Variants in CSMD3 observed in about 807,000 individuals in gnomAD.
CSMD3 encodes CUB and sushi domain-containing protein 3.
A neutral mutation model predicts 435.2 loss-of-function variants in CSMD3; 177 were observed. That is an observed-to-expected ratio of 0.41 (90% CI 0.36 to 0.46). The LOEUF (loss-of-function observed/expected upper bound fraction) is 0.46. Ranked by LOEUF, CSMD3 falls within the 20% of genes least tolerant of loss-of-function variation. The pLI is 0.34. For missense variants in CSMD3, 4,265 were observed against 4,504.6 expected (o/e 0.95, Z 1.52); for synonymous variants, 1,656 against 1,520.5 (o/e 1.09, Z -2.07).
intron 1 of CSMD3, among the ~76,000 whole-genome samples, chr8:113,418,446 T>G (rs1043371539): frequency 2.6e-5 from 4 of 151,878 alleles, no homozygotes; most frequent in Non-Finnish European, 5.9e-5. Flanking sequence ...ATAGTTGGAG[T>G]GGGTAGTAAG....
At chr8:113,372,386 C>G (rs2094351158) in intron 1 of CSMD3, among the ~76,000 whole-genome samples, 1 of 152,068 alleles carries the variant, frequency 6.6e-6, no homozygotes, top group Non-Finnish European at 1.5e-5. Flanking sequence ...GAGTTTTAAT[C>G]CATTAATATT....
chr8:112,700,221 C>T (rs537747605), intron 13 of CSMD3, among the ~76,000 whole-genome samples: 3 of 152,192 alleles, frequency 2.0e-5, no homozygotes, highest in African/African-American at 7.2e-5. Context: ...GTAGAGTCAG[C>T]TGGGCATGGT....
chr8:112,681,288 G>A (rs940179871), intron 16 of CSMD3, among the ~76,000 whole-genome samples: 2 of 151,410 alleles, frequency 1.3e-5, no homozygotes, highest in East Asian at 1.9e-4. Flanking sequence ...TCCTGATCTC[G>A]TGATCCGCCC....
Position 112,642,613 on chromosome 8 carries a change from T to A in CSMD3, c.3310+2496A>T, listed in dbSNP as rs553089582. Among the ~76,000 whole-genome samples the A allele has an allele frequency of 3.3e-5, 5 of 152,284 alleles. No individual in the cohort carries two copies. In the East Asian group the frequency reaches 9.6e-4, roughly 29 times the overall value. On this transcript the variant is annotated intron_variant, in intron 20 of 70. Transcript: ENST00000297405. ...TATAAGAACATCTGACTACACAATGTAAATGTAAATGAAATGTAAATCACT... is the reference window on the plus strand; with the variant it reads ...TATAAGAACATCTGACTACACAATGAAAATGTAAATGAAATGTAAATCACT...
chr8:113,314,845 T>A (rs1247332739), intron 1 of CSMD3, 52 bp from the exon 2 acceptor site: 3 of 1,164,288 alleles, frequency 2.6e-6, no homozygotes, highest in Non-Finnish European at 3.8e-6. Flanking sequence ...TCAAGAACAA[T>A]CCATGAGATA....
At chr8:113,269,482 A>C (rs2093501108) in intron 3 of CSMD3, among the ~76,000 whole-genome samples, 1 of 152,164 alleles carries the variant, frequency 6.6e-6, no homozygotes, top group Non-Finnish European at 1.5e-5. Flanking sequence ...ATGGAACCAA[A>C]AAAGAGCCCT....
intron 5 of CSMD3, among the ~76,000 whole-genome samples, chr8:113,055,579 G>A (rs1349823567): frequency 6.6e-6 from 1 of 152,088 alleles, no homozygotes; most frequent in Non-Finnish European, 1.5e-5. Flanking sequence ...ATTTTCCCTT[G>A]AGCTTCAGAC....
intron 5 of CSMD3, among the ~76,000 whole-genome samples, chr8:113,084,277 T>C (rs1243430056): frequency 1.3e-5 from 2 of 152,052 alleles, no homozygotes; most frequent in African/African-American, 4.8e-5. Flanking sequence ...AAAACCAACC[T>C]ACAAAAATCA....
chr8:112,302,579 G>T (rs1315586087), intron 52 of CSMD3, among the ~76,000 whole-genome samples: 1 of 151,872 alleles, frequency 6.6e-6, no homozygotes, highest in Non-Finnish European at 1.5e-5. Flanking sequence ...CTTCATATTT[G>T]AAGACCACAA....
intron 36 of CSMD3, among the ~76,000 whole-genome samples, chr8:112,387,463 T>TTATGTG (rs1554664047): frequency 1.1e-5 from 1 of 87,126 alleles, no homozygotes; most frequent in East Asian, 3.0e-4. Context: ...AAGTCATATA[T>TTATGTG]TATGTGTGTG....
At chr8:112,241,865 C>A (rs1238898717) in intron 65 of CSMD3, 80 bp from the exon 66 acceptor site, 1 of 869,602 alleles carries the variant, frequency 1.1e-6, no homozygotes, top group Non-Finnish European at 2.0e-6. Flanking sequence ...CACGCACACA[C>A]ACACACAGTG....
chr8:113,289,865 CAAT>C (rs1198452651), intron 2 of CSMD3, among the ~76,000 whole-genome samples: 1 of 151,688 alleles, frequency 6.6e-6, no homozygotes, highest in Non-Finnish European at 1.5e-5. Flanking sequence ...CAGTCCACAA[CAAT>C]AAGAATTTAA....
intron 63 of CSMD3, among the ~76,000 whole-genome samples, chr8:112,248,807 T>G (rs1253166629): frequency 5.3e-5 from 8 of 152,102 alleles, no homozygotes; most frequent in Non-Finnish European, 1.0e-4. Flanking sequence ...GACAACAACC[T>G]TTTTTCTTTA....
chr8:112,250,364 CA>C (rs1586537403), intron 63 of CSMD3, among the ~76,000 whole-genome samples: 2 of 151,694 alleles, frequency 1.3e-5, no homozygotes, highest in African/African-American at 4.8e-5. Context: ...GTCAAATTCA[CA>C]AATACTTATA....
chr8:112,472,938 T>C (rs989210444), intron 31 of CSMD3, among the ~76,000 whole-genome samples: 2 of 152,186 alleles, frequency 1.3e-5, no homozygotes, highest in Non-Finnish European at 2.9e-5. Flanking sequence ...GTATGTAATA[T>C]AATGTTATAA....
intron 3 of CSMD3, among the ~76,000 whole-genome samples, chr8:113,272,942 T>C (rs1423318679): frequency 1.3e-5 from 2 of 152,040 alleles, no homozygotes; most frequent in Non-Finnish European, 2.9e-5. Context: ...TTCAATAGCA[T>C]AATAGGGATA....
intron 2 of CSMD3, 45 bp from the exon 3 acceptor site, chr8:113,278,749 C>A (rs778100241): frequency 1.1e-6 from 1 of 904,026 alleles, no homozygotes; most frequent in Admixed American, 1.7e-5. Flanking sequence ...ATCATTTTAT[C>A]TAAGAGTTTT....
intron 27 of CSMD3, among the ~76,000 whole-genome samples, chr8:112,523,567 G>A (rs556785413): frequency 4.6e-5 from 7 of 151,986 alleles, no homozygotes; most frequent in African/African-American, 1.4e-4. Context: ...AAATGACACT[G>A]TATTCTCCAC....
At chr8:112,980,376 C>G (rs2085006132) in intron 6 of CSMD3, among the ~76,000 whole-genome samples, 1 of 151,210 alleles carries the variant, frequency 6.6e-6, no homozygotes, top group Non-Finnish European at 1.5e-5. Flanking sequence ...TTAATATATT[C>G]TGTTCCTTCC....
Sources: gnomAD v4.1 joint callset for allele counts (sites outside exome capture counted in the v4.1 genomes callset) on GRCh38, gnomAD v4.1.1 for gene constraint, MANE v1.5 for transcripts, NCBI Gene and HGNC (gene_info 2026-07-23, HGNC 2026-07-21) for gene names.